MYH10: variants seen among roughly 807,000 people sequenced by gnomAD.
The protein encoded by MYH10 is myosin-10.
Under a neutral mutation model 257.8 loss-of-function variants are expected in MYH10, and 55 were observed. The observed-to-expected ratio is 0.21, with a 90% CI of 0.17 to 0.27. The LOEUF (loss-of-function observed/expected upper bound fraction) is 0.27, where lower values mean the gene tolerates loss of function less well. Ranked by LOEUF, MYH10 falls within the 10% of genes least tolerant of loss-of-function variation. MYH10 has a pLI of 1.00. For missense variants in MYH10, 1,631 were observed against 2,500.6 expected (o/e 0.65, Z 7.42); for synonymous variants, 854 against 921.7 (o/e 0.93, Z 1.33).
intron 17 of MYH10, 167 bp from the exon 18 acceptor site, chr17:8,521,452 T>TAACA: frequency 4.6e-6 from 3 of 654,222 alleles, no homozygotes; most frequent in Non-Finnish European, 7.9e-6. Context: ...AGCCGGGAAC[T>TAACA]AACAGCCACA....
intron 7 of MYH10, chr17:8,560,741 A>G: frequency 1.6e-6 from 1 of 617,274 alleles, no homozygotes; most frequent in Non-Finnish European, 3.0e-6. Flanking sequence ...CTTCATCCTG[A>G]AGCACACAGG....
At chr17:8,538,937 G>A (rs964607155) in intron 14 of MYH10, among the ~76,000 whole-genome samples, 7 of 152,184 alleles carry the variant, frequency 4.6e-5, no homozygotes, top group Non-Finnish European at 8.8e-5. Context: ...ACTGGGTCAT[G>A]GGGCTCTTTC....
At chr17:8,560,784 C>T (rs1369728141) in intron 7 of MYH10, 11 of 599,026 alleles carry the variant, frequency 1.8e-5, no homozygotes, top group East Asian at 1.3e-4. Flanking sequence ...AATGCTGGCC[C>T]GACACAAATG....
chr17:8,612,949 G>C (rs1297842158), intron 2 of MYH10, among the ~76,000 whole-genome samples: 3 of 152,114 alleles, frequency 2.0e-5, no homozygotes, highest in Non-Finnish European at 4.4e-5. Context: ...GCATCCACTG[G>C]GGATCTTAGA....
chr17:8,490,562 C>G lies in MYH10; in HGVS notation c.4672-10G>C. The G allele has an allele frequency of 3.7e-6, 6 of 1,613,296 alleles. No individual in the cohort carries two copies. The highest frequency in any genetic ancestry group is 5.1e-6 in the Non-Finnish European group (6 of 1,179,270). On this transcript the variant is annotated splice_polypyrimidine_tract_variant and intron_variant, in intron 34 of 42. Coordinates refer to ENST00000360416, the MANE Select transcript of MYH10 (RefSeq NM_001256012.3). The surrounding 1 kb of genome is among the most constrained non-coding windows in gnomAD (Gnocchi z 4.1). ...TTTCAAGTTCGTGAACCTAAACCAC[C>G]GAAGCATCAGGAAAGAGTTGACCGG...
chr17:8,528,082 T>G (rs1597742670), intron 17 of MYH10, among the ~76,000 whole-genome samples: 2 of 152,144 alleles, frequency 1.3e-5, no homozygotes, highest in Admixed American at 1.3e-4. Flanking sequence ...TTTCCCCAAT[T>G]TTTGCTCTGC....
Position 8,508,540 on chromosome 17 carries a change from C to T in MYH10, c.3214+14G>A. 6.2e-7 allele frequency: 1 copy of T among 1,613,978 alleles called. No homozygotes were observed. Among genetic ancestry groups the T allele is most frequent in the Non-Finnish European group, 8.5e-7 (1 of 1,179,904 alleles). On this transcript the variant is annotated intron_variant, in intron 26 of 42. Coordinates refer to ENST00000360416, the MANE Select transcript of MYH10 (RefSeq NM_001256012.3). ...ATGTCCTAGTCCCTGATTTCTCTAG[C>T]CCCAAATACTAACCTTCTAAATCTG...
intron 27 of MYH10, among the ~76,000 whole-genome samples, chr17:8,505,410 T>C (rs1227773942): frequency 6.6e-6 from 1 of 152,166 alleles, no homozygotes; most frequent in Non-Finnish European, 1.5e-5. Flanking sequence ...TTTATGTCTG[T>C]GGTTTAAAAT....
intron 24 of MYH10, 64 bp downstream of exon 24, chr17:8,512,387 G>T: frequency 7.5e-7 from 1 of 1,334,834 alleles, no homozygotes; most frequent in Non-Finnish European, 1.0e-6. Flanking sequence ...CATAACTTCT[G>T]TTTATTCAAC....
chr17:8,546,871 G>GAT (rs2082462127), intron 11 of MYH10, among the ~76,000 whole-genome samples: 1 of 152,170 alleles, frequency 6.6e-6, no homozygotes, highest in African/African-American at 2.4e-5. Context: ...TACAAGAGAT[G>GAT]GCTAGTCAGC....
intron 3 of MYH10, among the ~76,000 whole-genome samples, chr17:8,596,202 GA>G (rs1265045076): frequency 6.7e-6 from 1 of 149,450 alleles, no homozygotes; most frequent in African/African-American, 2.5e-5. Context: ...ACCCAAGCTG[GA>G]GTGCAGTGGC....
intron 13 of MYH10, among the ~76,000 whole-genome samples, chr17:8,542,881 C>G (rs1196210002): frequency 2.0e-5 from 3 of 152,192 alleles, no homozygotes; most frequent in Non-Finnish European, 4.4e-5. Context: ...TATCGTTTCT[C>G]TAAGCATTCC....
At chr17:8,605,929 G>A (rs1280699374) in intron 2 of MYH10, among the ~76,000 whole-genome samples, 1 of 152,100 alleles carries the variant, frequency 6.6e-6, no homozygotes, top group African/African-American at 2.4e-5. Flanking sequence ...TTGTAAAAAT[G>A]TAAGAGTTTT....
chr17:8,581,236 A>G (rs2083693114), intron 4 of MYH10, among the ~76,000 whole-genome samples: 1 of 152,202 alleles, frequency 6.6e-6, no homozygotes, highest in Admixed American at 6.5e-5. Context: ...CTTAATAGCT[A>G]TGACAGTGGT....
At chr17:8,625,266 T>C (rs2085630647) in intron 1 of MYH10, among the ~76,000 whole-genome samples, 1 of 151,986 alleles carries the variant, frequency 6.6e-6, no homozygotes, top group African/African-American at 2.4e-5. Flanking sequence ...CAAACAAAAA[T>C]AAATTTAAAA....
chr17:8,511,023 T>TATAATATATATATATATATATATATA (rs1204478259), intron 24 of MYH10: 1 of 3,962 alleles, frequency 2.5e-4, no homozygotes, highest in African/African-American at 3.0e-4. Context: ...CCCATATATA[T>TATAATATATATATATATATATATATA]ATATATATAT....
chr17:8,488,549 G>A (rs1359160366), intron 35 of MYH10, among the ~76,000 whole-genome samples: 1 of 152,248 alleles, frequency 6.6e-6, no homozygotes, highest in African/African-American at 2.4e-5. Context: ...ATGTAGTGCA[G>A]TAGCAGCTGG....
chr17:8,552,453 T>C lies in MYH10; in HGVS notation c.821-309A>G, dbSNP rs889196650. Among the ~76,000 whole-genome samples the C allele has an allele frequency of 2.0e-5, 3 of 152,188 alleles. No individual in the cohort carries two copies. Among genetic ancestry groups the C allele is most frequent in the Admixed American group, 6.5e-5 (1 of 15,270 alleles). On this transcript the variant is annotated intron_variant, in intron 8 of 42. Transcript: ENST00000360416. This position sits in a 1 kb window ranked among gnomAD's most constrained non-coding sequence, Gnocchi z 4.8. ...CCTAACTTGGATTACATTCAAAGAA[T>C]ACCACACTATACGAGGAACTGTAAG...
rs534582613 is a variant in MYH10, at chr17:8,490,515, T to C, written c.4709A>G (p.Gln1570Arg). The change falls in exon 35 of 43, where the codon CAG (glutamine) becomes CGG (arginine). Residue 1570 changes from glutamine (Q) to arginine (R), a missense_variant. Transcript: ENST00000360416. The surrounding 1 kb of genome is among the most constrained non-coding windows in gnomAD (Gnocchi z 4.1). ...CTGGGTCCTCATTTCCTCCACCTGC[T>C]GCTCTAGGGCCCGTTTGGATTTTTC... ...ELEKSKRALE[Q>R]QVEEMRTQLE... 1 of 1,614,212 alleles carries C rather than the reference T, an allele frequency of 6.2e-7. No individual in the cohort carries two copies. The highest frequency in any genetic ancestry group is 8.5e-7 in the Non-Finnish European group (1 of 1,180,032).
Sources: gnomAD v4.1 joint callset for allele counts (sites outside exome capture counted in the v4.1 genomes callset) on GRCh38, gnomAD v4.1.1 for gene constraint, Gnocchi (gnomAD v3.1) non-coding constraint, MANE v1.5 for transcripts, NCBI Gene and HGNC (gene_info 2026-07-23, HGNC 2026-07-21) for gene names.